The following OPCML variants were observed in gnomAD, a reference collection of about 807,000 sequenced individuals.
OPCML encodes the protein opioid-binding protein/cell adhesion molecule.
In OPCML, 13 loss-of-function variants were observed where a neutral mutation model predicts 37.8. The observed-to-expected ratio is 0.34, with a 90% CI of 0.22 to 0.55. The LOEUF (loss-of-function observed/expected upper bound fraction) is 0.55. Among genes scored for constraint, OPCML ranks in the 20% least tolerant of loss-of-function variants. The pLI is 0.91. For synonymous variants in OPCML, 176 were observed against 168.8 expected, an observed-to-expected ratio of 1.04 and a Z score of -0.33; for missense variants, 341 against 435.6, an observed-to-expected ratio of 0.78 and a Z score of 1.93.
chr11:132,590,196 C>A (rs2096482097), intron 3 of OPCML, among the ~76,000 whole-genome samples: 1 of 151,982 alleles, frequency 6.6e-6, no homozygotes, highest in South Asian at 2.1e-4. Flanking sequence ...AATTTTATTT[C>A]TTGATATATA....
intron 1 of OPCML, among the ~76,000 whole-genome samples, chr11:133,229,456 A>C (rs1249251132): frequency 2.6e-5 from 4 of 152,196 alleles, no homozygotes; most frequent in African/African-American, 9.7e-5. Flanking sequence ...ACTTCCTTTA[A>C]GGGAAAAGGA....
At chr11:132,768,003 G>T (rs1946512895) in intron 2 of OPCML, among the ~76,000 whole-genome samples, 1 of 152,136 alleles carries the variant, frequency 6.6e-6, no homozygotes, top group Admixed American at 6.5e-5. Context: ...GTCTATTCAA[G>T]GAGACACCAG....
intron 1 of OPCML, among the ~76,000 whole-genome samples, chr11:132,979,832 G>C (rs538011147): frequency 1.4e-4 from 22 of 152,268 alleles, no homozygotes; most frequent in African/African-American, 5.3e-4. Flanking sequence ...GACTGAGAAG[G>C]AAGGGATGCT....
At chr11:133,218,817 A>C (rs1414588553) in intron 1 of OPCML, among the ~76,000 whole-genome samples, 1 of 152,026 alleles carries the variant, frequency 6.6e-6, no homozygotes, top group African/African-American at 2.4e-5. Context: ...TGGAATTGGC[A>C]CTCATCTGAC....
intron 1 of OPCML, among the ~76,000 whole-genome samples, chr11:132,988,132 G>C (rs1471748474): frequency 6.6e-6 from 1 of 152,144 alleles, no homozygotes; most frequent in African/African-American, 2.4e-5. Flanking sequence ...GGACAACTTT[G>C]ATGACAGAAA....
chr11:133,040,167 T>G (rs575080644), intron 1 of OPCML, among the ~76,000 whole-genome samples: 1 of 152,188 alleles, frequency 6.6e-6, no homozygotes, highest in East Asian at 1.9e-4. Context: ...TAAAAGGTGT[T>G]GAATTTTATG....
rs778448836 is a variant in OPCML at position 133,206,010 on chromosome 11, C to G, written c.62-263000G>C. On this transcript the variant is annotated intron_variant, in intron 1 of 7. Transcript: ENST00000524381. The surrounding 1 kb of genome is among the most constrained non-coding windows in gnomAD (Gnocchi z 4.7). ...GATGGGTGAGATGGAGATGCTACTA[C>G]TGCCGTGAGGAATACAAGAGCTAAT... Among the ~76,000 whole-genome samples the G allele has an allele frequency of 6.6e-6, 1 of 152,190 alleles. No individual in the cohort carries two copies. Among genetic ancestry groups the G allele is most frequent in the Non-Finnish European group, 1.5e-5 (1 of 68,034 alleles).
At chr11:133,062,679 G>A (rs896239692) in intron 1 of OPCML, among the ~76,000 whole-genome samples, 1 of 152,130 alleles carries the variant, frequency 6.6e-6, no homozygotes, top group Non-Finnish European at 1.5e-5. Context: ...CTGCCTGAGC[G>A]GCATCCTTGG....
At chr11:133,124,181 A>T (rs1949464109) in intron 1 of OPCML, among the ~76,000 whole-genome samples, 1 of 152,138 alleles carries the variant, frequency 6.6e-6, no homozygotes, top group Non-Finnish European at 1.5e-5. Flanking sequence ...TAGAAAAAAA[A>T]AAAGGCATTT....
intron 1 of OPCML, among the ~76,000 whole-genome samples, chr11:133,507,186 T>C (rs1948051979): frequency 6.6e-6 from 1 of 152,252 alleles, no homozygotes; most frequent in African/African-American, 2.4e-5. Context: ...GGCTAAGTCT[T>C]CGTGAAGAGG....
intron 2 of OPCML, among the ~76,000 whole-genome samples, chr11:132,822,478 A>G (rs1940055191): frequency 6.6e-6 from 1 of 152,156 alleles, no homozygotes; most frequent in South Asian, 2.1e-4. Context: ...AGGCTTTTCA[A>G]CTGTGACAGC....
At chr11:132,508,440 T>C (rs951644479) in intron 4 of OPCML, among the ~76,000 whole-genome samples, 1 of 150,320 alleles carries the variant, frequency 6.7e-6, no homozygotes, top group Non-Finnish European at 1.5e-5. Context: ...TAATTAATCA[T>C]ATAATCATTT....
chr11:133,345,968 G>A (rs145457548), intron 1 of OPCML, among the ~76,000 whole-genome samples: 200 of 152,174 alleles, frequency 1.3e-3, no homozygotes, highest in African/African-American at 4.5e-3. Context: ...AGCTCTGGTC[G>A]CTAATACACC....
At chr11:133,328,000 G>A (rs115273946) in intron 1 of OPCML, among the ~76,000 whole-genome samples, 2,470 of 152,136 alleles carry the variant, frequency 0.016, 73 homozygotes, top group African/African-American at 0.054. Flanking sequence ...TTCAGTTTCC[G>A]TTTGACTTTC....
In OPCML at chr11:132,734,256, A is replaced by G. The variant is rs375809808; in HGVS notation, c.147-76937T>C. 1.8e-4 allele frequency among the ~76,000 whole-genome samples: 28 copies of G among 152,234 alleles called. No homozygotes were observed. The East Asian group carries it at 3.3e-3, about 18-fold the overall frequency. Reference sequence around the variant, plus strand: ...ATTCTGCAGCAATCCCCACTTTCTTAAGTAGATCCCTCCTACACGGAATCC... The same window carrying G: ...ATTCTGCAGCAATCCCCACTTTCTTGAGTAGATCCCTCCTACACGGAATCC... On this transcript the variant is annotated intron_variant, in intron 2 of 7. Transcript: ENST00000524381.
intron 7 of OPCML, among the ~76,000 whole-genome samples, chr11:132,431,659 C>T (rs2095997398): frequency 6.6e-6 from 1 of 152,218 alleles, no homozygotes. Flanking sequence ...CTCACCAACC[C>T]ATTGTCTCCA....
At chr11:132,462,969 T>TG (rs2096107862) in intron 4 of OPCML, among the ~76,000 whole-genome samples, 1 of 152,200 alleles carries the variant, frequency 6.6e-6, no homozygotes. Flanking sequence ...ACTCTGCACC[T>TG]GCTGCTGCAA....
chr11:133,512,903 A>C (rs1948190611), intron 1 of OPCML, among the ~76,000 whole-genome samples: 1 of 152,220 alleles, frequency 6.6e-6, no homozygotes, highest in African/African-American at 2.4e-5. Context: ...AGACCAATAT[A>C]TATTTCTTAT....
intron 1 of OPCML, among the ~76,000 whole-genome samples, chr11:133,318,684 G>T (rs945767717): frequency 3.3e-5 from 5 of 152,036 alleles, no homozygotes; most frequent in Admixed American, 2.6e-4. Flanking sequence ...TCACCCTGTC[G>T]CATTTAGTGC....
Sources: gnomAD v4.1 joint callset for allele counts (sites outside exome capture counted in the v4.1 genomes callset) on GRCh38, gnomAD v4.1.1 for gene constraint, Gnocchi (gnomAD v3.1) non-coding constraint, MANE v1.5 for transcripts, NCBI Gene and HGNC (gene_info 2026-07-23, HGNC 2026-07-21) for gene names.